Variants in WWC1 observed in about 807,000 individuals in gnomAD.
WWC1 encodes protein KIBRA.
In WWC1, 55 loss-of-function variants were observed where a neutral mutation model predicts 138.4. The observed-to-expected ratio is 0.40, with a 90% CI of 0.32 to 0.50. The LOEUF (loss-of-function observed/expected upper bound fraction) is 0.50. WWC1 is among the 20% of genes least tolerant of loss of function. The pLI is 0.72. For missense variants in WWC1, 1,226 were observed against 1,420.4 expected, an observed-to-expected ratio of 0.86 and a Z score of 2.20; for synonymous variants, 524 against 564.9, an observed-to-expected ratio of 0.93 and a Z score of 1.03.
At chr5:168,372,958 A>G (rs552070929) in intron 2 of WWC1, among the ~76,000 whole-genome samples, 10 of 152,236 alleles carry the variant, frequency 6.6e-5, no homozygotes, top group Non-Finnish European at 8.8e-5. Flanking sequence ...AAATGGGTGA[A>G]TGAGTGGACT....
intron 15 of WWC1, among the ~76,000 whole-genome samples, chr5:168,437,353 T>C (rs774062958): frequency 3.3e-5 from 5 of 152,210 alleles, no homozygotes; most frequent in Non-Finnish European, 7.3e-5. Flanking sequence ...CTCTACATTT[T>C]ACTTCTGAAA....
chr5:168,454,518 C>T (rs112012125), intron 18 of WWC1, among the ~76,000 whole-genome samples: 1 of 152,228 alleles, frequency 6.6e-6, no homozygotes, highest in African/African-American at 2.4e-5. Context: ...CTGCCCACAG[C>T]GCGACAGGAA....
At chr5:168,396,419 C>G (rs1778910521) in intron 3 of WWC1, among the ~76,000 whole-genome samples, 1 of 152,096 alleles carries the variant, frequency 6.6e-6, no homozygotes, top group Non-Finnish European at 1.5e-5. Flanking sequence ...AAACCCAGAT[C>G]TCAGCAGGTG....
At chr5:168,421,986 C>G in intron 9 of WWC1, 22 bp from the exon 10 acceptor site, 3 of 1,601,582 alleles carry the variant, frequency 1.9e-6, no homozygotes, top group Non-Finnish European at 2.6e-6. Flanking sequence ...GTGCATCCCT[C>G]GCATGCTTTC....
intron 9 of WWC1, chr5:168,415,798 T>TGTGTGTGGGG: frequency 1.6e-4 from 1 of 6,354 alleles, no homozygotes; most frequent in African/African-American, 5.3e-4. Flanking sequence ...TGTGTGTGTG[T>TGTGTGTGGGG]GGGGGGGGGG....
At chr5:168,318,802 T>C (rs1474419557) in intron 1 of WWC1, among the ~76,000 whole-genome samples, 2 of 152,074 alleles carry the variant, frequency 1.3e-5, no homozygotes, top group Admixed American at 6.6e-5. Context: ...TCAGGTGATC[T>C]GCCCGCCTTG....
In WWC1 at chr5:168,471,222, CTCT is replaced by C. The variant is rs1757658152; in HGVS notation, c.*2211_*2213del. 1.3e-5 allele frequency: 2 copies of C among 152,438 alleles called. No individual in the cohort carries two copies. Among genetic ancestry groups the C allele is most frequent in the Admixed American group, 6.6e-5 (1 of 15,266 alleles). The allele number at this position is 152,438 out of a possible 1,614,324, so 9.4% of individuals were successfully genotyped here. A position where few individuals can be genotyped will look rare whatever the true frequency, so the allele number is the denominator to read the frequency against. ...GGAACCTATAGTGGTGTAGAATCTACTCTTCTTCCCCCTGTGGCTTCCAGGCCC... is the reference window on the plus strand; with the variant it reads ...GGAACCTATAGTGGTGTAGAATCTACTCTTCCCCCTGTGGCTTCCAGGCCC... On this transcript the variant is annotated 3_prime_UTR_variant, in exon 23 of 23. Coordinates refer to ENST00000265293, the MANE Select transcript of WWC1 (RefSeq NM_015238.3).
At chr5:168,414,854 T>G (rs1440797669) in intron 9 of WWC1, 2 of 485,454 alleles carry the variant, frequency 4.1e-6, no homozygotes, top group Non-Finnish European at 7.2e-6. Context: ...ATGTATCTTC[T>G]GACTCAATTA....
chr5:168,348,264 G>C (rs1412250868), intron 1 of WWC1, among the ~76,000 whole-genome samples: 2 of 152,224 alleles, frequency 1.3e-5, no homozygotes, highest in Non-Finnish European at 2.9e-5. Context: ...GTGTGCACGG[G>C]TGTGTGCACA....
At chr5:168,406,887 A>G (rs1779838546) in intron 6 of WWC1, among the ~76,000 whole-genome samples, 1 of 152,154 alleles carries the variant, frequency 6.6e-6, no homozygotes, top group Non-Finnish European at 1.5e-5. Flanking sequence ...GCTTGCAGTG[A>G]GCCGAGATAG....
At chr5:168,391,758 GGCATATAT>G in intron 3 of WWC1, among the ~76,000 whole-genome samples, 1 of 72,432 alleles carries the variant, frequency 1.4e-5, no homozygotes, top group Non-Finnish European at 2.5e-5. Flanking sequence ...ATATTTTTAA[GGCATATAT>G]ATATATATAT....
chr5:168,354,119 C>T (rs1490638303), intron 1 of WWC1, among the ~76,000 whole-genome samples: 3 of 151,074 alleles, frequency 2.0e-5, no homozygotes, highest in African/African-American at 7.3e-5. Flanking sequence ...GGTGTGATCT[C>T]GTCTCACTGC....
In WWC1 at chr5:168,315,451, T is replaced by C. The variant is rs546779603; in HGVS notation, c.119+23180T>C. Among the ~76,000 whole-genome samples the C allele has an allele frequency of 1.5e-4, 23 of 152,196 alleles. 1 individual carries two copies. In the South Asian group the frequency reaches 4.8e-3, roughly 32 times the overall value. Reference sequence around the variant, plus strand: ...TCAACACCGTGTGCCCGCTGCGCTCTGATACTACCTCCCTGTGCTGCCCCA... The same window carrying C: ...TCAACACCGTGTGCCCGCTGCGCTCCGATACTACCTCCCTGTGCTGCCCCA... On this transcript the variant is annotated intron_variant, in intron 1 of 22. Transcript: ENST00000265293.
At chr5:168,403,511 C>T (rs1405087094) in intron 5 of WWC1, among the ~76,000 whole-genome samples, 1 of 152,150 alleles carries the variant, frequency 6.6e-6, no homozygotes, top group Admixed American at 6.6e-5. Flanking sequence ...TAGTTCAATT[C>T]ATAGTCAGCA....
intron 11 of WWC1, among the ~76,000 whole-genome samples, chr5:168,425,494 C>CTTTT (rs541197702): frequency 1.5e-5 from 2 of 135,536 alleles, no homozygotes; most frequent in African/African-American, 2.8e-5. Flanking sequence ...TTTTAATCTC[C>CTTTT]TTTTTTTTTT....
intron 20 of WWC1, among the ~76,000 whole-genome samples, chr5:168,463,049 C>G (rs1027363414): frequency 6.6e-6 from 1 of 152,174 alleles, no homozygotes; most frequent in Non-Finnish European, 1.5e-5. Flanking sequence ...GAGACTAGGT[C>G]TTATGGTAAT....
At chr5:168,295,852 C>G (rs1019595950) in intron 1 of WWC1, among the ~76,000 whole-genome samples, 2 of 152,110 alleles carry the variant, frequency 1.3e-5, no homozygotes, top group Non-Finnish European at 2.9e-5. Flanking sequence ...ACTGGGAGGC[C>G]GAAATTCCTG....
chr5:168,381,320 C>A (rs1262361527), intron 2 of WWC1, among the ~76,000 whole-genome samples: 1 of 152,144 alleles, frequency 6.6e-6, no homozygotes, highest in Admixed American at 6.5e-5. Context: ...CAGATGAAAT[C>A]CAGAACACTG....
chr5:168,369,449 T>C (rs537740341), intron 1 of WWC1, among the ~76,000 whole-genome samples: 2 of 152,282 alleles, frequency 1.3e-5, no homozygotes, highest in South Asian at 4.1e-4. Context: ...GTTGCCCAGC[T>C]TGTAATGCAG....
Sources: allele counts gnomAD v4.1 joint callset (sites outside exome capture counted in the v4.1 genomes callset), GRCh38; gene constraint gnomAD v4.1.1; transcripts MANE v1.5; gene names NCBI Gene and HGNC (gene_info 2026-07-23, HGNC 2026-07-21).